LY75: variants seen among roughly 807,000 people sequenced by gnomAD.
The protein encoded by LY75 is C-type lectin domain family 13 member B.
Under a neutral mutation model 231.7 loss-of-function variants are expected in LY75, and 185 were observed. The ratio of observed to expected loss-of-function variants is 0.80; its 90% confidence interval spans 0.71 to 0.90. LY75 has a LOEUF of 0.90. Ranked by LOEUF, LY75 falls within the 40% of genes least tolerant of loss-of-function variation. The probability of loss-of-function intolerance (pLI) is 0.00; values close to 1 mark genes in which losing one functional copy is unlikely to be tolerated. For missense variants in LY75, 1,947 were observed against 2,050.2 expected (o/e 0.95, Z 0.97); for synonymous variants, 668 against 689.0 (o/e 0.97, Z 0.48).
chr2:159,881,321 T>C (rs1685430469), intron 7 of LY75, 81 bp from the exon 8 acceptor site: 4 of 1,448,452 alleles, frequency 2.8e-6, no homozygotes, highest in Non-Finnish European at 3.7e-6. Flanking sequence ...ATTTTTATAT[T>C]CTGATATGGA....
chr2:159,810,491 T>C (rs1682926035), intron 32 of LY75, 35 bp downstream of exon 32: 2 of 1,591,816 alleles, frequency 1.3e-6, no homozygotes, highest in Non-Finnish European at 1.7e-6. Flanking sequence ...CTAAAAATTA[T>C]TGAGTCATAA....
chr2:159,842,487 A>C, intron 23 of LY75, 113 bp from the exon 24 acceptor site: 1 of 1,306,248 alleles, frequency 7.7e-7, no homozygotes, highest in Non-Finnish European at 1.0e-6. Context: ...GAATTCCATG[A>C]AGGACCTGAC....
intron 3 of LY75, among the ~76,000 whole-genome samples, chr2:159,890,995 T>A (rs1005712426): frequency 1.3e-5 from 2 of 152,176 alleles, no homozygotes; most frequent in African/African-American, 4.8e-5. Context: ...AGAGTATGCA[T>A]AATTTCAGAC....
At chr2:159,826,920 C>T (rs1285793329) in intron 28 of LY75, among the ~76,000 whole-genome samples, 7 of 152,124 alleles carry the variant, frequency 4.6e-5, no homozygotes, top group Admixed American at 4.6e-4. Flanking sequence ...AAAACTGAAA[C>T]TGGACCCCCC....
intron 18 of LY75, 111 bp from the exon 19 acceptor site, chr2:159,853,808 C>T: frequency 7.0e-7 from 1 of 1,426,872 alleles, no homozygotes; most frequent in Middle Eastern, 1.8e-4. Flanking sequence ...TCCAGACATT[C>T]CTTACTTAGA....
chr2:159,838,015 C>A (rs1683884591), intron 25 of LY75, among the ~76,000 whole-genome samples: 2 of 152,200 alleles, frequency 1.3e-5, no homozygotes, highest in Admixed American at 1.3e-4. Context: ...CATGGCCACA[C>A]TCTGCACTTC....
chr2:159,819,855 T>C lies in LY75; in HGVS notation c.4024A>G (p.Thr1342Ala), dbSNP rs1574526769. ...SYTHWRAGRP[T>A]IKNEKFLAGL... ...GCCAAAAACTTCTCATTTTTTATAG[T>C]TGGTCTTCCTGCTCTCCAATGTGTA... The change falls in exon 29 of 35, where the codon ACT (threonine) becomes GCT (alanine). Residue 1342 changes from threonine (T) to alanine (A), a missense_variant. Coordinates refer to ENST00000263636, the MANE Select transcript of LY75 (RefSeq NM_002349.4). 2.5e-6 allele frequency: 4 copies of C among 1,614,120 alleles called. No homozygotes were observed. The highest frequency in any genetic ancestry group is 2.2e-5 in the East Asian group (1 of 44,858).
At chr2:159,842,675 CATA>C (rs113086823) in intron 23 of LY75, among the ~76,000 whole-genome samples, 111 of 152,182 alleles carry the variant, frequency 7.3e-4, no homozygotes, top group African/African-American at 2.6e-3. Flanking sequence ...ATAAGCAAAA[CATA>C]ATGATTATTA....
At chr2:159,874,925 TATAA>T (rs1685211070) in intron 12 of LY75, among the ~76,000 whole-genome samples, 1 of 138,782 alleles carries the variant, frequency 7.2e-6, no homozygotes, top group Admixed American at 7.5e-5. Context: ...TAAATATATT[TATAA>T]ATATATATAT....
chr2:159,867,877 A>G (rs1183670791), intron 13 of LY75, among the ~76,000 whole-genome samples: 1 of 152,186 alleles, frequency 6.6e-6, no homozygotes, highest in Non-Finnish European at 1.5e-5. Context: ...GATTTGGTGC[A>G]CCATGAATCC....
intron 28 of LY75, among the ~76,000 whole-genome samples, chr2:159,826,687 T>C (rs1173985622): frequency 6.6e-6 from 1 of 152,114 alleles, no homozygotes; most frequent in Non-Finnish European, 1.5e-5. Flanking sequence ...GGAGGCATCA[T>C]GCTACCTGAC....
chr2:159,889,224 T>C (rs1261810266), intron 4 of LY75, among the ~76,000 whole-genome samples: 1 of 151,986 alleles, frequency 6.6e-6, no homozygotes, highest in Non-Finnish European at 1.5e-5. Flanking sequence ...GAAACTGCAA[T>C]ACCTTTTATT....
At chr2:159,820,381 C>T (rs1243137431) in intron 28 of LY75, among the ~76,000 whole-genome samples, 2 of 152,156 alleles carry the variant, frequency 1.3e-5, no homozygotes, top group Non-Finnish European at 2.9e-5. Flanking sequence ...TAATGGCATT[C>T]GCAGCAACCT....
chr2:159,808,159 A>G, intron 33 of LY75: 1 of 981,712 alleles, frequency 1.0e-6, no homozygotes, highest in South Asian at 4.7e-5. Flanking sequence ...ATTCCTGTGG[A>G]GAAGAAAATG....
chr2:159,852,384 G>C, intron 20 of LY75, 44 bp from the exon 21 acceptor site: 1 of 1,569,978 alleles, frequency 6.4e-7, no homozygotes, highest in Non-Finnish European at 8.6e-7. Context: ...GAATTTTTCA[G>C]TCAGTACATT....
intron 13 of LY75, among the ~76,000 whole-genome samples, chr2:159,868,977 G>A (rs1010046047): frequency 6.6e-6 from 1 of 152,218 alleles, no homozygotes; most frequent in Admixed American, 6.6e-5. Flanking sequence ...CCATAAAAAA[G>A]GATGAGTTCA....
intron 24 of LY75, among the ~76,000 whole-genome samples, chr2:159,842,039 T>A (rs1470676645): frequency 2.6e-5 from 4 of 152,150 alleles, no homozygotes; most frequent in East Asian, 1.9e-4. Context: ...TATTAAAAAA[T>A]TTTTTCGGCT....
chr2:159,863,432 G>C (rs1467877602), intron 14 of LY75, among the ~76,000 whole-genome samples: 1 of 152,030 alleles, frequency 6.6e-6, no homozygotes, highest in East Asian at 1.9e-4. Flanking sequence ...GTGTGCAAAA[G>C]CTCCCTCTTC....
At chr2:159,837,432 GC>G (rs1397381167) in intron 25 of LY75, among the ~76,000 whole-genome samples, 15 of 152,228 alleles carry the variant, frequency 9.9e-5, no homozygotes, top group African/African-American at 3.1e-4. Context: ...ATAAGTGGGA[GC>G]TAAATATTGG....
Sources: allele counts gnomAD v4.1 joint callset (sites outside exome capture counted in the v4.1 genomes callset), GRCh38; gene constraint gnomAD v4.1.1; transcripts MANE v1.5; gene names NCBI Gene and HGNC (gene_info 2026-07-23, HGNC 2026-07-21).